Variants in SCAPER observed in about 807,000 individuals in gnomAD.
SCAPER encodes the protein S phase cyclin A-associated protein in the endoplasmic reticulum.
A neutral mutation model predicts 182.2 loss-of-function variants in SCAPER; 98 were observed. The observed-to-expected ratio is 0.54, with a 90% confidence interval of 0.46 to 0.64. The LOEUF is 0.64. SCAPER is among the 30% of genes least tolerant of loss of function. SCAPER has a pLI of 0.00. For missense variants in SCAPER, 1,432 were observed against 1,690.0 expected, an observed-to-expected ratio of 0.85 and a Z score of 2.68; for synonymous variants, 605 against 564.6, an observed-to-expected ratio of 1.07 and a Z score of -1.01.
chr15:76,530,284 T>C (rs1200448052), intron 23 of SCAPER, among the ~76,000 whole-genome samples: 1 of 152,186 alleles, frequency 6.6e-6, no homozygotes. Context: ...AACTAAATTA[T>C]CTATTTGTTG....
chr15:76,372,531 A>G (rs2141856268), intron 29 of SCAPER, among the ~76,000 whole-genome samples: 1 of 152,320 alleles, frequency 6.6e-6, no homozygotes, highest in East Asian at 1.9e-4. Context: ...CATCAGCAGA[A>G]AAACCGTCTG....
intron 24 of SCAPER, among the ~76,000 whole-genome samples, chr15:76,504,601 G>C (rs2041419179): frequency 6.6e-6 from 1 of 152,190 alleles, no homozygotes; most frequent in Non-Finnish European, 1.5e-5. Context: ...TTGCTCAAGA[G>C]TTCATCAATT....
At chr15:76,667,008 C>T (rs2056623511) in intron 20 of SCAPER, among the ~76,000 whole-genome samples, 1 of 152,160 alleles carries the variant, frequency 6.6e-6, no homozygotes. Flanking sequence ...TAAATCATCT[C>T]AAAAGGATTC....
intron 17 of SCAPER, among the ~76,000 whole-genome samples, chr15:76,728,250 T>C (rs1190754074): frequency 3.3e-5 from 5 of 151,046 alleles, no homozygotes; most frequent in Admixed American, 3.3e-4. Flanking sequence ...CTGCTGTGAC[T>C]CTTGTGATCT....
At chr15:76,897,187 G>A (rs770571774) in intron 1 of SCAPER, among the ~76,000 whole-genome samples, 9 of 152,104 alleles carry the variant, frequency 5.9e-5, no homozygotes, top group Non-Finnish European at 1.2e-4. Context: ...CTCAATACTT[G>A]GTAGCTGTGC....
At chr15:76,520,446 G>A (rs1173012888) in intron 23 of SCAPER, among the ~76,000 whole-genome samples, 2 of 152,100 alleles carry the variant, frequency 1.3e-5, no homozygotes, top group African/African-American at 4.8e-5. Flanking sequence ...TTGAACTCCT[G>A]AGCTTAAGTG....
chr15:76,745,205 C>T (rs1432607942), intron 15 of SCAPER, among the ~76,000 whole-genome samples: 2 of 151,942 alleles, frequency 1.3e-5, no homozygotes, highest in Non-Finnish European at 2.9e-5. Flanking sequence ...TTTGGGAGTC[C>T]GAGGTGGGTG....
intron 20 of SCAPER, among the ~76,000 whole-genome samples, chr15:76,672,690 C>T (rs1227858049): frequency 1.3e-5 from 2 of 151,938 alleles, no homozygotes; most frequent in African/African-American, 4.8e-5. Flanking sequence ...AGTGGAAATA[C>T]TGCAAGAGGA....
At chr15:76,838,976 G>C (rs892241892) in intron 5 of SCAPER, among the ~76,000 whole-genome samples, 1 of 152,180 alleles carries the variant, frequency 6.6e-6, no homozygotes, top group African/African-American at 2.4e-5. Context: ...GCCCACCCTA[G>C]CTTACTTGGT....
intron 5 of SCAPER, among the ~76,000 whole-genome samples, chr15:76,819,897 A>C (rs2067386852): frequency 6.6e-6 from 1 of 152,216 alleles, no homozygotes; most frequent in African/African-American, 2.4e-5. Flanking sequence ...AATTTACAAG[A>C]AAAAAACAAC....
intron 22 of SCAPER, among the ~76,000 whole-genome samples, chr15:76,578,831 T>C (rs1379704140): frequency 6.6e-6 from 1 of 152,056 alleles, no homozygotes; most frequent in Non-Finnish European, 1.5e-5. Context: ...AAACACCCAA[T>C]ATGACCTCAC....
At chr15:76,749,846 G>T (rs1030894206) in intron 15 of SCAPER, among the ~76,000 whole-genome samples, 1 of 151,568 alleles carries the variant, frequency 6.6e-6, no homozygotes, top group Non-Finnish European at 1.5e-5. Context: ...ACCCAGATAG[G>T]CTTTAAAAAA....
rs182493406 is a variant in SCAPER, at chr15:76,719,711, A to G, written c.2165+8884T>C. Among the ~76,000 whole-genome samples, 228 of 152,288 alleles carry G rather than the reference A, an allele frequency of 1.5e-3. 2 individuals carry two copies. Among genetic ancestry groups the G allele is most frequent in the African/African-American group, 5.3e-3 (221 of 41,560 alleles). ...CTATTTTTTAAAAAACCTAAGGCAG[A>G]TATCTTTAATAGTTAATTGTGGAAC... On this transcript the variant is annotated intron_variant, in intron 17 of 31. Transcript: ENST00000563290.
At chr15:76,655,937 C>T (rs927472802) in intron 21 of SCAPER, among the ~76,000 whole-genome samples, 1 of 151,566 alleles carries the variant, frequency 6.6e-6, no homozygotes, top group Admixed American at 6.6e-5. Flanking sequence ...TCATGGCCCA[C>T]AAAAACAAAC....
At chr15:76,726,426 C>G (rs2060604429) in intron 17 of SCAPER, among the ~76,000 whole-genome samples, 1 of 151,400 alleles carries the variant, frequency 6.6e-6, no homozygotes, top group South Asian at 2.1e-4. Context: ...AAAAATGGTA[C>G]AGCTGCTATG....
intron 1 of SCAPER, among the ~76,000 whole-genome samples, chr15:76,892,137 G>C (rs9920850): frequency 0.85 from 128,765 of 152,194 alleles, 54,706 homozygotes; most frequent in Middle Eastern, 0.91. Flanking sequence ...AAAGCTGAAA[G>C]TGGACCCCTT....
At chr15:76,590,890 CATG>C (rs2049052527) in intron 22 of SCAPER, among the ~76,000 whole-genome samples, 1 of 152,112 alleles carries the variant, frequency 6.6e-6, no homozygotes, top group African/African-American at 2.4e-5. Context: ...TTTGCAGCAA[CATG>C]AGTGGAACTG....
chr15:76,594,729 G>A (rs2049370142), intron 22 of SCAPER, among the ~76,000 whole-genome samples: 1 of 121,340 alleles, frequency 8.2e-6, no homozygotes, highest in Non-Finnish European at 2.0e-5. Flanking sequence ...GCCAAATTAA[G>A]CTTCATAAGC....
chr15:76,644,135 G>A (rs2468124), intron 21 of SCAPER, among the ~76,000 whole-genome samples: 140,046 of 152,190 alleles, frequency 0.92, 65,462 homozygotes, highest in East Asian at 1. Flanking sequence ...AGAGTCTTTA[G>A]AAGGTATATA....
Sources: allele counts gnomAD v4.1 joint callset (sites outside exome capture counted in the v4.1 genomes callset), GRCh38; gene constraint gnomAD v4.1.1; transcripts MANE v1.5; gene names NCBI Gene and HGNC (gene_info 2026-07-23, HGNC 2026-07-21).